The following VANGL1 variants were observed in gnomAD, a reference collection of about 807,000 sequenced individuals.
VANGL1 encodes the protein VANGL planar cell polarity protein 1, also known as vang-like protein 1.
VANGL1 carries 18 observed loss-of-function variants against 48.4 expected under a neutral mutation model. That is an observed-to-expected ratio of 0.37 (90% CI 0.26 to 0.55). The LOEUF is 0.55. Among genes scored for constraint, VANGL1 ranks in the 20% least tolerant of loss-of-function variants. VANGL1 has a pLI of 0.81. For synonymous variants in VANGL1, 257 were observed against 261.8 expected (o/e 0.98, Z 0.18); for missense variants, 667 against 675.8 (o/e 0.99, Z 0.14).
At chr1:115,647,762 T>G (rs1033268330) in intron 1 of VANGL1, among the ~76,000 whole-genome samples, 1 of 152,034 alleles carries the variant, frequency 6.6e-6, no homozygotes, top group African/African-American at 2.4e-5. Flanking sequence ...CAGGGTTAGA[T>G]CCTTAGGATG....
At chr1:115,679,362 AGGGCT>A (rs1432174879) in intron 4 of VANGL1, among the ~76,000 whole-genome samples, 4 of 152,308 alleles carry the variant, frequency 2.6e-5, no homozygotes, top group Admixed American at 6.5e-5. Flanking sequence ...TGTGACACCC[AGGGCT>A]GGCATCCCAC....
At chr1:115,686,805 ACT>A (rs1570775778) in intron 7 of VANGL1, among the ~76,000 whole-genome samples, 1 of 152,340 alleles carries the variant, frequency 6.6e-6, no homozygotes, top group East Asian at 1.9e-4. Context: ...TATGACAGGT[ACT>A]GTTTTAAGCA....
At chr1:115,655,974 G>A (rs951995552) in intron 2 of VANGL1, among the ~76,000 whole-genome samples, 1 of 152,160 alleles carries the variant, frequency 6.6e-6, no homozygotes, top group Non-Finnish European at 1.5e-5. Context: ...GCAGTAATTC[G>A]GGACCAGTGG....
In VANGL1 at chr1:115,691,596, C is replaced by T. The variant is rs41299565; in HGVS notation, c.*217C>T. On this transcript the variant is annotated 3_prime_UTR_variant, in exon 8 of 8. Coordinates refer to ENST00000355485, the MANE Select transcript of VANGL1 (RefSeq NM_138959.3). ...GTGACTGATGACATCTGACTTTTGT[C>T]GATGGGACTTCTCAAGAAGCCATTC... 31,045 of 522,254 alleles carry T rather than the reference C, an allele frequency of 0.059. 1,055 individuals are homozygous for T. The highest frequency in any genetic ancestry group is 0.11 in the Admixed American group (2,948 of 26,984). 32.4% of individuals were successfully genotyped at this position (522,254 alleles called of 1,614,324 possible). A position where few individuals can be genotyped will look rare whatever the true frequency, so the allele number is the denominator to read the frequency against.
rs948154171 is a variant in VANGL1, at chr1:115,661,745, A to G, written c.205-1916A>G. 4.0e-5 allele frequency among the ~76,000 whole-genome samples: 6 copies of G among 151,788 alleles called. No homozygotes were observed. In the South Asian group the frequency reaches 6.3e-4, roughly 16 times the overall value. On this transcript the variant is annotated intron_variant, in intron 3 of 7. Transcript: ENST00000355485. ...CGATTCTCCTGCCTCAGCCTCCCGAATAGCCGGGATTACAGGCACGCACCA... is the reference window on the plus strand; with the variant it reads ...CGATTCTCCTGCCTCAGCCTCCCGAGTAGCCGGGATTACAGGCACGCACCA...
intron 4 of VANGL1, among the ~76,000 whole-genome samples, chr1:115,666,804 T>C (rs537647028): frequency 6.6e-6 from 1 of 152,230 alleles, no homozygotes; most frequent in African/African-American, 2.4e-5. Flanking sequence ...AAGAGGGACA[T>C]CTTTACTGAC....
At chr1:115,679,245 T>C (rs1653281241) in intron 4 of VANGL1, among the ~76,000 whole-genome samples, 1 of 152,198 alleles carries the variant, frequency 6.6e-6, no homozygotes, top group Non-Finnish European at 1.5e-5. Context: ...CTGTTGCTTC[T>C]CTGAGAGGGC....
intron 4 of VANGL1, among the ~76,000 whole-genome samples, chr1:115,665,301 C>T (rs1652731015): frequency 6.6e-6 from 1 of 152,246 alleles, no homozygotes; most frequent in Non-Finnish European, 1.5e-5. Context: ...CATTTGACTT[C>T]AAAGCCTTTA....
rs1653677500 is a variant in VANGL1 at position 115,687,612 on chromosome 1, G to A, written c.1314+2085G>A. ...GCCCCAAAACAGTTTTTACCGATAA[G>A]GAGTTGGTATATATTCTTTCAAATA... On this transcript the variant is annotated intron_variant, in intron 7 of 7. Transcript: ENST00000355485. Among the ~76,000 whole-genome samples, 3 of 137,422 alleles carry A rather than the reference G, an allele frequency of 2.2e-5. 1 individual carries two copies. 90.2% of individuals were successfully genotyped at this position (137,422 alleles called of 152,430 possible). A position where few individuals can be genotyped will look rare whatever the true frequency, so the allele number is the denominator to read the frequency against.
intron 5 of VANGL1, among the ~76,000 whole-genome samples, chr1:115,682,966 A>G (rs773725735): frequency 6.6e-6 from 1 of 152,186 alleles, no homozygotes; most frequent in Non-Finnish European, 1.5e-5. Flanking sequence ...AGGCTGGGTA[A>G]GTCCAAGCTA....
chr1:115,691,133 G>A lies in VANGL1; in HGVS notation c.1329G>A (p.Arg443=). ...NGMTPKAFLE[R]YLSAGPTLQY... The stretch of plus-strand genomic sequence containing the variant: ...TCTGCTTCCAGGCCTTCCTAGAACG[G>A]TACCTCAGTGCGGGCCCCACCCTGC... Residue 443 remains arginine, a synonymous_variant, in exon 8 of 8, where the codon CGG becomes CGA. Transcript: ENST00000355485. 1 of 1,614,118 alleles carries A rather than the reference G, an allele frequency of 6.2e-7. No individual in the cohort carries two copies. The highest frequency in any genetic ancestry group is 8.5e-7 in the Non-Finnish European group (1 of 1,180,042).
In VANGL1 at chr1:115,695,569, GA is replaced by G. The variant is rs1654003721; in HGVS notation, c.*4194del. 6.6e-6 allele frequency: 1 copy of G among 152,594 alleles called. No individual in the cohort carries two copies. The highest frequency in any genetic ancestry group is 6.5e-5 in the Admixed American group (1 of 15,286). 9.5% of individuals were successfully genotyped at this position (152,594 alleles called of 1,614,324 possible). A position where few individuals can be genotyped will look rare whatever the true frequency, so the allele number is the denominator to read the frequency against. On this transcript the variant is annotated 3_prime_UTR_variant, in exon 8 of 8. Coordinates refer to ENST00000355485, the MANE Select transcript of VANGL1 (RefSeq NM_138959.3). ...TGAGCTTTAACCAAGTGTATGCTCAGAAAATTCAGTTTTGGATCACATTTTG... is the reference window on the plus strand; with the variant it reads ...TGAGCTTTAACCAAGTGTATGCTCAGAAATTCAGTTTTGGATCACATTTTG...
At chr1:115,671,135 G>C (rs1414556250) in intron 4 of VANGL1, 1 of 152,326 alleles carries the variant, frequency 6.6e-6, no homozygotes, top group East Asian at 1.9e-4. Flanking sequence ...CACAGGAAAA[G>C]GAGCTGGCAA....
At chr1:115,683,527 C>T (rs914430823) in intron 5 of VANGL1, among the ~76,000 whole-genome samples, 2 of 152,128 alleles carry the variant, frequency 1.3e-5, no homozygotes, top group South Asian at 4.1e-4. Flanking sequence ...TCTGTCTGTC[C>T]TTGGTCTCCC....
Position 115,682,404 on chromosome 1 carries a change from A to G in VANGL1, c.853A>G (p.Lys285Glu). Residue 285 changes from lysine to glutamate, a missense_variant, in exon 5 of 8, where the codon AAA (lysine) becomes GAA (glutamate). By Grantham distance (56) the Lys-to-Glu change is moderately conservative. Coordinates refer to ENST00000355485, the MANE Select transcript of VANGL1 (RefSeq NM_138959.3). Reference sequence around the variant, plus strand: ...ATTGGTGGTCCTAGAAAATTACTACAAAGATTTCACCATCTATAACCCAAA... The same window carrying G: ...ATTGGTGGTCCTAGAAAATTACTACGAAGATTTCACCATCTATAACCCAAA... ...AALVVLENYY[K>E]DFTIYNPNLL... The G allele has an allele frequency of 6.2e-7, 1 of 1,614,208 alleles. No individual in the cohort carries two copies.
At chr1:115,666,078 A>G (rs1053428965) in intron 4 of VANGL1, among the ~76,000 whole-genome samples, 1 of 152,206 alleles carries the variant, frequency 6.6e-6, no homozygotes, top group African/African-American at 2.4e-5. Context: ...TGCTGCAGTT[A>G]AAGTGGTAGA....
intron 7 of VANGL1, among the ~76,000 whole-genome samples, chr1:115,687,551 A>G (rs1653675720): frequency 7.2e-6 from 1 of 138,982 alleles, no homozygotes; most frequent in Non-Finnish European, 1.6e-5. Context: ...AACATTAAAG[A>G]AAAGTATCAT....
chr1:115,658,080 G>C (rs1652413119), intron 2 of VANGL1, among the ~76,000 whole-genome samples: 1 of 152,084 alleles, frequency 6.6e-6, no homozygotes, highest in Admixed American at 6.5e-5. Context: ...ATTTGGGTAG[G>C]GACAACTATC....
At chr1:115,684,373 C>T (rs946493402) in intron 6 of VANGL1, among the ~76,000 whole-genome samples, 30 of 152,234 alleles carry the variant, frequency 2.0e-4, no homozygotes, top group African/African-American at 6.0e-4. Context: ...CTCCTGACCT[C>T]GAGTGATGTG....
Sources: allele counts gnomAD v4.1 joint callset (sites outside exome capture counted in the v4.1 genomes callset), GRCh38; gene constraint gnomAD v4.1.1; transcripts MANE v1.5; gene names NCBI Gene and HGNC (gene_info 2026-07-23, HGNC 2026-07-21).